The following TMEM260 variants were observed in gnomAD, a reference collection of about 807,000 sequenced individuals.
TMEM260 encodes protein O-mannosyl-transferase TMEM260.
Under a neutral mutation model 88.9 loss-of-function variants are expected in TMEM260, and 82 were observed. The observed-to-expected ratio is 0.92, with a 90% CI of 0.77 to 1.11. TMEM260 has a LOEUF of 1.11. Among genes scored for constraint, TMEM260 ranks in the 50% least tolerant of loss-of-function variants. The pLI is 0.00. For missense variants in TMEM260, 902 were observed against 853.4 expected (o/e 1.06, Z -0.71); for synonymous variants, 314 against 309.3 (o/e 1.02, Z -0.16).
chr14:56,657,802 C>T, the TMEM260 span, among the ~76,000 whole-genome samples: 1 of 152,230 alleles, frequency 6.6e-6, no homozygotes, highest in Non-Finnish European at 1.5e-5. Context: ...AAGGGCTTCA[C>T]TGGACCCACA....
At chr14:56,637,854 C>A (rs1298866912) in intron 15 of TMEM260, among the ~76,000 whole-genome samples, 2 of 145,322 alleles carry the variant, frequency 1.4e-5, no homozygotes, top group East Asian at 4.7e-4. Context: ...CAAGTCTTAT[C>A]CCTGCTATCA....
intron 12 of TMEM260, among the ~76,000 whole-genome samples, chr14:56,627,489 C>A (rs1352476107): frequency 6.6e-6 from 1 of 152,078 alleles, no homozygotes; most frequent in Non-Finnish European, 1.5e-5. Context: ...AGATATTTAA[C>A]ATGATCTAAT....
At chr14:56,628,447 G>T (rs1888371386) in intron 12 of TMEM260, among the ~76,000 whole-genome samples, 1 of 151,736 alleles carries the variant, frequency 6.6e-6, no homozygotes, top group African/African-American at 2.4e-5. Context: ...TTATATTTTT[G>T]GTATCATATC....
intron 7 of TMEM260, among the ~76,000 whole-genome samples, chr14:56,614,511 C>A (rs1887486223): frequency 6.6e-6 from 1 of 152,186 alleles, no homozygotes. Flanking sequence ...ATTGTTACAG[C>A]ATTAAGGATA....
chr14:56,634,779 T>G (rs753082035), intron 13 of TMEM260, 120 bp from the exon 14 acceptor site: 1 of 793,658 alleles, frequency 1.3e-6, no homozygotes. Context: ...GAGGTGGAGG[T>G]TGCAGTGAGC....
chr14:56,627,471 CTATT>C (rs1042112595), intron 12 of TMEM260, among the ~76,000 whole-genome samples: 3 of 151,960 alleles, frequency 2.0e-5, no homozygotes, highest in Non-Finnish European at 4.4e-5. Context: ...GCAAATAAAA[CTATT>C]AGGAGATATT....
intron 6 of TMEM260, among the ~76,000 whole-genome samples, chr14:56,610,963 CTTTCTTTTTTT>C (rs1887225944): frequency 7.0e-6 from 1 of 142,680 alleles, no homozygotes; most frequent in African/African-American, 2.7e-5. Context: ...TTCTTTCTTT[CTTTCTTTTTTT>C]TTTTTTTTTT....
chr14:56,606,321 A>C lies in TMEM260; in HGVS notation c.636+638A>C, dbSNP rs181566417. 1.5e-3 allele frequency among the ~76,000 whole-genome samples: 236 copies of C among 152,300 alleles called. 1 individual carries two copies. Among genetic ancestry groups the C allele is most frequent in the Admixed American group, 3.6e-3 (55 of 15,306 alleles). On this transcript the variant is annotated intron_variant, in intron 5 of 15. Coordinates refer to ENST00000261556, the MANE Select transcript of TMEM260 (RefSeq NM_017799.4). ...CAGAGGTTAAAATAGTCTATATACA[A>C]AGCCAGCACTAGAGTCGTTTTACCT...
At chr14:56,637,215 A>G (rs1272400305) in intron 15 of TMEM260, among the ~76,000 whole-genome samples, 3 of 152,244 alleles carry the variant, frequency 2.0e-5, no homozygotes, top group Non-Finnish European at 1.5e-5. Context: ...TTACAGTGGC[A>G]ATAGGAAACT....
intron 13 of TMEM260, among the ~76,000 whole-genome samples, chr14:56,634,137 A>C (rs1237113595): frequency 6.6e-6 from 1 of 152,202 alleles, no homozygotes; most frequent in Non-Finnish European, 1.5e-5. Context: ...AGAAAAATCA[A>C]ATGGCTTGGC....
downstream of TMEM260, among the ~76,000 whole-genome samples, chr14:56,654,918 C>T (rs1161721644): frequency 6.7e-6 from 1 of 150,018 alleles, no homozygotes; most frequent in East Asian, 2.0e-4. Flanking sequence ...CTTATGTATT[C>T]AGTGTGTAGG....
chr14:56,635,094 T>A (rs566202988), intron 14 of TMEM260, 142 bp downstream of exon 14: 184 of 686,722 alleles, frequency 2.7e-4, no homozygotes, highest in African/African-American at 2.6e-3. Context: ...TGAGGCACTG[T>A]ACTAATCATT....
At chr14:56,584,128 G>T (rs1347446958) in intron 1 of TMEM260, among the ~76,000 whole-genome samples, 2 of 151,976 alleles carry the variant, frequency 1.3e-5, no homozygotes, top group Non-Finnish European at 2.9e-5. Context: ...CCATAGTCCA[G>T]GCCAGAGAGA....
chr14:56,605,573 G>T lies in TMEM260; in HGVS notation c.526G>T (p.Ala176Ser). 1 of 1,494,516 alleles carries T rather than the reference G, an allele frequency of 6.7e-7. No homozygotes were observed. The highest frequency in any genetic ancestry group is 2.4e-5 in the East Asian group (1 of 42,532). The allele number at this position is 1,494,516 out of a possible 1,614,324, so 92.6% of individuals were successfully genotyped here. Reference protein sequence around the residue: ...AATAKERSKVAKIGAFCCGLS... With the variant: ...AATAKERSKVSKIGAFCCGLS... ...TTTTTTTTTAATTTATTTTCAGGTA[G>T]CTAAAATTGGTGCTTTCTGCTGTGG... Residue 176 changes from alanine to serine, a missense_variant, in exon 5 of 16, where the codon GCT becomes TCT. By Grantham distance (99) the Ala-to-Ser change is moderately conservative. Transcript: ENST00000261556.
At chr14:56,583,510 G>A (rs1885273887) in intron 1 of TMEM260, among the ~76,000 whole-genome samples, 1 of 152,044 alleles carries the variant, frequency 6.6e-6, no homozygotes, top group African/African-American at 2.4e-5. Flanking sequence ...GGGAGAGGTG[G>A]TGGTATCCTG....
chr14:56,626,681 TAAGG>T (rs1325898995), intron 12 of TMEM260, among the ~76,000 whole-genome samples: 1 of 152,168 alleles, frequency 6.6e-6, no homozygotes, highest in Non-Finnish European at 1.5e-5. Flanking sequence ...GCAGCATGGA[TAAGG>T]AAGCCATTAA....
At chr14:56,653,614 A>G (rs990201810), downstream of TMEM260, among the ~76,000 whole-genome samples, 10 of 151,384 alleles carry the variant, frequency 6.6e-5, no homozygotes, top group Non-Finnish European at 1.5e-4. Context: ...CGCACCTTTA[A>G]TCTGAGCCAC....
chr14:56,616,067 T>C lies in TMEM260; in HGVS notation c.941+40T>C. 2.8e-6 allele frequency: 4 copies of C among 1,432,550 alleles called. No homozygotes were observed. In the South Asian group the frequency reaches 3.5e-5, roughly 12 times the overall value. The allele number at this position is 1,432,550 out of a possible 1,614,324, so 88.7% of individuals were successfully genotyped here. ...TCCTTTTTCTGTTATTTTTCTATGT[T>C]CATGAATTGAATTAATGTTTTCAGT... On this transcript the variant is annotated intron_variant, in intron 8 of 15. Transcript: ENST00000261556.
intron 3 of TMEM260, among the ~76,000 whole-genome samples, chr14:56,596,280 TATAA>T (rs1886199129): frequency 6.6e-6 from 1 of 151,794 alleles, no homozygotes; most frequent in East Asian, 1.9e-4. Context: ...CATTAAAAAC[TATAA>T]ATAAAGTATG....
Sources: allele counts gnomAD v4.1 joint callset (sites outside exome capture counted in the v4.1 genomes callset), GRCh38; gene constraint gnomAD v4.1.1; transcripts MANE v1.5; gene names NCBI Gene and HGNC (gene_info 2026-07-23, HGNC 2026-07-21).